The following AGO2 variants were observed in gnomAD, a reference collection of about 807,000 sequenced individuals.
AGO2 encodes the protein protein argonaute-2.
A neutral mutation model predicts 102.3 loss-of-function variants in AGO2; 5 were observed. That is an observed-to-expected ratio of 0.05 (90% CI 0.03 to 0.10). AGO2 has a LOEUF of 0.10. AGO2 is among the 10% of genes least tolerant of loss of function. The probability of loss-of-function intolerance (pLI) is 1.00; values close to 1 mark genes in which losing one functional copy is unlikely to be tolerated. For missense variants in AGO2, 541 were observed against 1,183.7 expected (o/e 0.46, Z 7.97); for synonymous variants, 449 against 473.1 (o/e 0.95, Z 0.66).
chr8:140,602,848 C>T (rs1437816651), intron 1 of AGO2, among the ~76,000 whole-genome samples: 1 of 152,128 alleles, frequency 6.6e-6, no homozygotes, highest in Non-Finnish European at 1.5e-5. Flanking sequence ...GACAAAATAT[C>T]CAGGAGTGTT....
upstream of AGO2, chr8:140,636,345 A>G (rs2074408883): frequency 1.3e-5 from 2 of 152,386 alleles, no homozygotes; most frequent in East Asian, 3.9e-4. Context: ...TCCAGCAGTC[A>G]GGGGCCTGCT....
intron 2 of AGO2, among the ~76,000 whole-genome samples, chr8:140,580,653 G>A (rs557442706): frequency 6.6e-6 from 1 of 152,374 alleles, no homozygotes; most frequent in South Asian, 2.1e-4. Flanking sequence ...CACTGCAACT[G>A]ATGTGTGAGC....
chr8:140,635,334 C>CA (rs1176600648), intron 1 of AGO2, 151 bp downstream of exon 1: 1 of 445,444 alleles, frequency 2.2e-6, no homozygotes, highest in Non-Finnish European at 2.9e-6. Flanking sequence ...CTCGAGCCCC[C>CA]AAGCGCGGCC....
At chr8:140,609,189 C>A (rs996489087) in intron 1 of AGO2, among the ~76,000 whole-genome samples, 1 of 152,228 alleles carries the variant, frequency 6.6e-6, no homozygotes, top group Non-Finnish European at 1.5e-5. Flanking sequence ...AAGTGCTGAG[C>A]GGCTGCAGAG....
intron 16 of AGO2, among the ~76,000 whole-genome samples, chr8:140,535,867 C>T (rs77052480): frequency 0.01 from 1,564 of 152,320 alleles, 19 homozygotes; most frequent in Non-Finnish European, 0.017. Context: ...AAGAGTCCCT[C>T]GATACTGTTG....
chr8:140,600,706 GCTCT>G (rs896855680), intron 1 of AGO2, among the ~76,000 whole-genome samples: 82 of 150,526 alleles, frequency 5.4e-4, no homozygotes, highest in African/African-American at 1.8e-3. Flanking sequence ...TCCAAAACAC[GCTCT>G]CTGTTTTCCC....
intron 1 of AGO2, among the ~76,000 whole-genome samples, chr8:140,600,329 G>A (rs2073913944): frequency 1.3e-5 from 2 of 152,238 alleles, no homozygotes; most frequent in Non-Finnish European, 2.9e-5. Context: ...TGTGTTAACT[G>A]TGGCCTCTGT....
chr8:140,627,396 G>C lies in AGO2; in HGVS notation c.22+8089C>G, dbSNP rs903079786. ...TTATGACCTATGAACTTCAGTTTTTGATCTTTTTATGTGCAGCTGCAAGAT... is the reference window on the plus strand; with the variant it reads ...TTATGACCTATGAACTTCAGTTTTTCATCTTTTTATGTGCAGCTGCAAGAT... On this transcript the variant is annotated intron_variant, in intron 1 of 18. Coordinates refer to ENST00000220592, the MANE Select transcript of AGO2 (RefSeq NM_012154.5). Among the ~76,000 whole-genome samples, 11 of 152,338 alleles carry C rather than the reference G, an allele frequency of 7.2e-5. No homozygotes were observed. In the East Asian group the frequency reaches 1.7e-3, roughly 24 times the overall value.
At chr8:140,555,680 G>T (rs1442832955) in intron 10 of AGO2, 4 of 639,124 alleles carry the variant, frequency 6.3e-6, no homozygotes, top group African/African-American at 5.5e-5. Flanking sequence ...ATTATCTTCT[G>T]AAAACATTAA....
chr8:140,525,519 C>T lies in AGO2; in HGVS notation c.*6525G>A, dbSNP rs1463623297. ...ATTCTCAGAGAGACTGCAAAGGACA[C>T]TTAGCTCTTCCGGAATGAAAGCACG... On this transcript the variant is annotated 3_prime_UTR_variant, in exon 19 of 19. Coordinates refer to ENST00000220592, the MANE Select transcript of AGO2 (RefSeq NM_012154.5). 1.3e-5 allele frequency: 2 copies of T among 152,318 alleles called. No individual in the cohort carries two copies. The highest frequency in any genetic ancestry group is 1.3e-4 in the Admixed American group (2 of 15,292). The allele number at this position is 152,318 out of a possible 1,614,324, so 9.4% of individuals were successfully genotyped here.
intron 2 of AGO2, among the ~76,000 whole-genome samples, chr8:140,577,444 A>G (rs1205801393): frequency 1.3e-5 from 2 of 152,236 alleles, no homozygotes; most frequent in Non-Finnish European, 2.9e-5. Context: ...TGGTTCTTAC[A>G]GGAGTGTATA....
At chr8:140,636,612 G>T (rs1413897915), upstream of AGO2, 1 of 152,164 alleles carries the variant, frequency 6.6e-6, no homozygotes, top group Middle Eastern at 3.2e-3. Flanking sequence ...GAATAAACAG[G>T]AGTTCTGACT....
intron 13 of AGO2, among the ~76,000 whole-genome samples, chr8:140,545,495 C>T (rs1488516908): frequency 1.3e-5 from 2 of 152,178 alleles, no homozygotes; most frequent in Non-Finnish European, 2.9e-5. Flanking sequence ...TGGAATACCA[C>T]CTGTCTGCTA....
chr8:140,582,415 G>A (rs1045616367), intron 2 of AGO2, among the ~76,000 whole-genome samples: 2 of 152,198 alleles, frequency 1.3e-5, no homozygotes, highest in African/African-American at 2.4e-5. Flanking sequence ...CAGGTTTTCA[G>A]ATCTGCAATG....
At chr8:140,546,349 G>C (rs762313996) in intron 13 of AGO2, among the ~76,000 whole-genome samples, 1 of 152,194 alleles carries the variant, frequency 6.6e-6, no homozygotes, top group African/African-American at 2.4e-5. Context: ...CACTGTGTCC[G>C]TCCACTTGCT....
At chr8:140,537,272 T>C (rs1209854784) in intron 16 of AGO2, among the ~76,000 whole-genome samples, 4 of 152,120 alleles carry the variant, frequency 2.6e-5, no homozygotes, top group Non-Finnish European at 4.4e-5. Flanking sequence ...TATCTAGCTA[T>C]TAGACCTGGC....
In AGO2 at chr8:140,570,325, G is replaced by A. The variant is rs1328348710; in HGVS notation, c.336+2487C>T. ...ACTGCAACCTCCATCTCCCGGGTTC[G>A]AGTGATTCTCATGCTTCAGCCTCCC... On this transcript the variant is annotated intron_variant, in intron 3 of 18. Coordinates refer to ENST00000220592, the MANE Select transcript of AGO2 (RefSeq NM_012154.5). 3.3e-5 allele frequency among the ~76,000 whole-genome samples: 5 copies of A among 152,146 alleles called. No individual in the cohort carries two copies. In the East Asian group the frequency reaches 5.8e-4, roughly 18 times the overall value.
Position 140,557,821 on chromosome 8 carries a change from C to T in AGO2, c.879-585G>A, listed in dbSNP as rs911415374. Among the ~76,000 whole-genome samples, 7 of 152,226 alleles carry T rather than the reference C, an allele frequency of 4.6e-5. No individual in the cohort carries two copies. Among genetic ancestry groups the T allele is most frequent in the African/African-American group, 1.7e-4 (7 of 41,452 alleles). On this transcript the variant is annotated intron_variant, in intron 7 of 18. Coordinates refer to ENST00000220592, the MANE Select transcript of AGO2 (RefSeq NM_012154.5). This position sits in a 1 kb window ranked among gnomAD's most constrained non-coding sequence, Gnocchi z 5.9. ...CAGTTTCTACTGCACAGACCCCTTC[C>T]CCCAATCCAGACTGCCGGGCCATCT...
In AGO2 at chr8:140,614,591, A is replaced by G. The variant is rs191100046; in HGVS notation, c.22+20894T>C. 1.1e-4 allele frequency among the ~76,000 whole-genome samples: 16 copies of G among 152,310 alleles called. No homozygotes were observed. The East Asian group carries it at 3.1e-3, about 29-fold the overall frequency. ...TCTTCAGCAACCTGTTGCAGTGACAATGCAGCCCACACTCTACTAAGGCGT... is the reference window on the plus strand; with the variant it reads ...TCTTCAGCAACCTGTTGCAGTGACAGTGCAGCCCACACTCTACTAAGGCGT... On this transcript the variant is annotated intron_variant, in intron 1 of 18. Transcript: ENST00000220592.
Sources: allele counts gnomAD v4.1 joint callset (sites outside exome capture counted in the v4.1 genomes callset), GRCh38; gene constraint gnomAD v4.1.1; non-coding constraint Gnocchi (gnomAD v3.1); transcripts MANE v1.5; gene names NCBI Gene and HGNC (gene_info 2026-07-23, HGNC 2026-07-21).